Variants in AKAP9 observed in about 807,000 individuals in gnomAD.
The protein encoded by AKAP9 is A-kinase anchor protein 9.
A neutral mutation model predicts 488.5 loss-of-function variants in AKAP9; 311 were observed. The observed-to-expected ratio is 0.64, with a 90% CI of 0.58 to 0.70. AKAP9 has a LOEUF of 0.70. Ranked by LOEUF, AKAP9 falls within the 30% of genes least tolerant of loss-of-function variation. The pLI, the probability that AKAP9 is intolerant of heterozygous loss-of-function variation, is 0.00. For synonymous variants in AKAP9, 1,462 were observed against 1,483.5 expected, an observed-to-expected ratio of 0.99 and a Z score of 0.33; for missense variants, 4,215 against 4,374.5, an observed-to-expected ratio of 0.96 and a Z score of 1.03.
Position 92,001,758 on chromosome 7 carries a change from T to C in AKAP9, c.1841T>C (p.Met614Thr), listed in dbSNP as rs762780139. 1.4e-4 allele frequency: 223 copies of C among 1,613,284 alleles called. No individual in the cohort carries two copies. Among genetic ancestry groups the C allele is most frequent in the Non-Finnish European group, 1.8e-4 (218 of 1,179,798 alleles). ...GAAAAGAATGCTGTGTTAGACAGAA[T>C]GGCTGAATCACAAGAAGCTGAATTA... is the stretch of plus-strand genomic sequence containing the variant. ...EKEKNAVLDR[M>T]AESQEAELER... is the part of the protein sequence containing the mutation. The change falls in exon 8 of 50, where the codon ATG becomes ACG. Residue 614 changes from methionine (M) to threonine (T), a missense_variant. Around this residue, in one of 5 missense-constraint regions of AKAP9, gnomAD observed 2,361 missense variants for 2,430.0 expected, o/e 0.97. Transcript: ENST00000356239.
intron 22 of AKAP9, chr7:92,058,026 A>G (rs763899384): frequency 1.7e-4 from 55 of 315,172 alleles, no homozygotes; most frequent in Non-Finnish European, 3.2e-4. Context: ...TGTATGAATT[A>G]ATTTTATAAC....
In AKAP9 at chr7:92,022,351, T is replaced by C. The variant is rs1190193255; in HGVS notation, c.3951T>C (p.Ile1317=). The C allele has an allele frequency of 1.3e-6, 2 of 1,589,252 alleles. No homozygotes were observed. Among genetic ancestry groups the C allele is most frequent in the Non-Finnish European group, 1.7e-6 (2 of 1,157,728 alleles). ...IHSQMTNLED[I]DVNHKSKLSS... is the part of the protein sequence containing the mutation. The stretch of plus-strand genomic sequence containing the variant: ...CTCAGATGACCAATTTGGAAGACAT[T>C]GGTAAATTTTGATCATATACCACAA... The change falls in exon 13 of 50, where the codon ATT becomes ATC. Residue 1317 remains isoleucine (I), a splice_region_variant and synonymous_variant. Transcript: ENST00000356239.
chr7:92,064,936 ATT>A (rs767985157), intron 24 of AKAP9, among the ~76,000 whole-genome samples: 1 of 144,612 alleles, frequency 6.9e-6, no homozygotes. Flanking sequence ...GTAAAAATAG[ATT>A]TTTTTTTTTT....
At chr7:92,070,276 T>C (rs1811479338) in intron 27 of AKAP9, 70 bp downstream of exon 27, 2 of 1,468,692 alleles carry the variant, frequency 1.4e-6, no homozygotes, top group African/African-American at 2.8e-5. Context: ...GTCAACTTCT[T>C]GTAGGTATTA....
chr7:92,079,853 A>G lies in AKAP9; in HGVS notation c.7720A>G (p.Asn2574Asp). 6.2e-7 allele frequency: 1 copy of G among 1,614,142 alleles called. No homozygotes were observed. The highest frequency in any genetic ancestry group is 1.1e-5 in the South Asian group (1 of 91,078). ...GGAATATGCAAAATTCTGTCAAGAT[A>G]ATCAAACAATTTCATCAGAACCTGA... Reference protein sequence around the residue: ...VQEYAKFCQDNQTISSEPERT... With the variant: ...VQEYAKFCQDDQTISSEPERT... The change falls in exon 31 of 50, where the codon AAT (asparagine) becomes GAT (aspartate). Residue 2574 changes from asparagine to aspartate, a missense_variant. Around this residue, in one of 5 missense-constraint regions of AKAP9, gnomAD observed 1,476 missense variants for 1,477.4 expected, o/e 1.00. Coordinates refer to ENST00000356239, the MANE Select transcript of AKAP9 (RefSeq NM_005751.5).
chr7:92,070,240 G>A (rs760492653), intron 27 of AKAP9, 34 bp downstream of exon 27: 2 of 1,605,500 alleles, frequency 1.2e-6, no homozygotes, highest in South Asian at 1.1e-5. Context: ...CTTAATAAGT[G>A]TTTTAATGAA....
At chr7:92,059,401 AT>A (rs992817757) in intron 22 of AKAP9, among the ~76,000 whole-genome samples, 142 of 149,310 alleles carry the variant, frequency 9.5e-4, no homozygotes, top group African/African-American at 3.0e-3. Flanking sequence ...AATAAATGAC[AT>A]TTTTTTTTGC....
chr7:92,031,679 A>G (rs995075103), intron 16 of AKAP9, 75 bp downstream of exon 16: 1 of 1,123,862 alleles, frequency 8.9e-7, no homozygotes, highest in Non-Finnish European at 1.4e-6. Flanking sequence ...CATAGATTTT[A>G]TCGATGGTAT....
At position 92,083,663 on chromosome 7, in the gene AKAP9, G is replaced by A. The variant is rs878854811; in HGVS notation, c.8646+8G>A. On this transcript the variant is annotated splice_region_variant and intron_variant, in intron 33 of 49. Coordinates refer to ENST00000356239, the MANE Select transcript of AKAP9 (RefSeq NM_005751.5). The stretch of plus-strand genomic sequence containing the variant: ...TGTCTGAGAAGTAAAGAGGTATTTG[G>A]TTTTTATAATATGTGTTTTTCAACA... 6.2e-7 allele frequency: 1 copy of A among 1,609,362 alleles called. No individual in the cohort carries two copies. Among genetic ancestry groups the A allele is most frequent in the Non-Finnish European group, 8.5e-7 (1 of 1,178,982 alleles).
At position 91,992,893 on chromosome 7, in the gene AKAP9, A is replaced by G. The variant is rs766721210; in HGVS notation, c.414A>G (p.Glu138=). 5.6e-6 allele frequency: 9 copies of G among 1,613,702 alleles called. No homozygotes were observed. Among genetic ancestry groups the G allele is most frequent in the South Asian group, 5.5e-5 (5 of 91,084 alleles). Residue 138 remains glutamate, a synonymous_variant, in exon 5 of 50, where the codon GAA becomes GAG. Transcript: ENST00000356239. ...GKPTNLLREE[E]FGVDDSYSEQ... is the part of the protein sequence containing the mutation. Reference sequence around the variant, plus strand: ...ATCTTGGATTGATTTAGGAAGAAGAATTTGGTGTTGATGATTCTTATTCTG... The same window carrying G: ...ATCTTGGATTGATTTAGGAAGAAGAGTTTGGTGTTGATGATTCTTATTCTG...
At chr7:92,051,888 G>T (rs756875663) in intron 21 of AKAP9, among the ~76,000 whole-genome samples, 2 of 152,178 alleles carry the variant, frequency 1.3e-5, no homozygotes, top group Non-Finnish European at 2.9e-5. Context: ...TGCCACAAAG[G>T]AGTATTTAAT....
chr7:92,102,724 T>TG lies in AKAP9; in HGVS notation c.11235dup (p.Gln3746AlafsTer52), dbSNP rs747796926. On this transcript the variant is annotated frameshift_variant, in exon 46 of 50. Coordinates refer to ENST00000356239, the MANE Select transcript of AKAP9 (RefSeq NM_005751.5). LOFTEE classifies it high-confidence loss of function. ...GCCACCTTGGCCCTGCTTGCCCGGA[T>TG]GGGGGGGCAGCCAGCTTTCACGGAT... The TG allele has an allele frequency of 3.1e-6, 5 of 1,613,746 alleles. No homozygotes were observed. The highest frequency in any genetic ancestry group is 2.5e-6 in the Non-Finnish European group (3 of 1,179,978).
At position 92,029,351 on chromosome 7, in the gene AKAP9, C is replaced by T. The variant is rs191258166; in HGVS notation, c.4149-544C>T. ...CACTAGAGGTAAACATTGTTACTTT[C>T]GATGTGTATACATAGGAAGATAATC... On this transcript the variant is annotated intron_variant, in intron 14 of 49. Transcript: ENST00000356239. 3.8e-3 allele frequency among the ~76,000 whole-genome samples: 579 copies of T among 152,138 alleles called. 2 individuals carry two copies. Among genetic ancestry groups the T allele is most frequent in the South Asian group, 0.02 (94 of 4,814 alleles).
chr7:92,012,521 T>C lies in AKAP9; in HGVS notation c.3411T>C (p.Asn1137=), dbSNP rs750345591. The C allele has an allele frequency of 1.2e-5, 20 of 1,614,030 alleles. No homozygotes were observed. The highest frequency in any genetic ancestry group is 1.7e-5 in the Non-Finnish European group (20 of 1,179,948). ...ATCAGGTTCGTGAATATATGGAAAA[T>C]GAAAAAGATAAAGCTCTTTGCAGTC... The part of the protein sequence containing the change: ...HVDQVREYME[N]EKDKALCSLK... The change falls in exon 9 of 50, where the codon AAT becomes AAC. Residue 1137 remains asparagine (N), a synonymous_variant. Coordinates refer to ENST00000356239, the MANE Select transcript of AKAP9 (RefSeq NM_005751.5).
chr7:91,981,591 T>C (rs941660375), intron 3 of AKAP9, among the ~76,000 whole-genome samples: 7 of 149,686 alleles, frequency 4.7e-5, no homozygotes, highest in Admixed American at 6.8e-5. Context: ...CTAATTTTTA[T>C]ATCTTGTATT....
At chr7:91,984,999 T>C (rs1796883691) in intron 3 of AKAP9, among the ~76,000 whole-genome samples, 1 of 152,182 alleles carries the variant, frequency 6.6e-6, no homozygotes, top group Admixed American at 6.5e-5. Flanking sequence ...GAGACTTTGC[T>C]TAAGGAGATT....
At position 92,086,297 on chromosome 7, in the gene AKAP9, C is replaced by G. The variant is rs779260877; in HGVS notation, c.9094C>G (p.Gln3032Glu). The G allele has an allele frequency of 9.0e-5, 146 of 1,613,986 alleles. No individual in the cohort carries two copies. Among genetic ancestry groups the G allele is most frequent in the Non-Finnish European group, 1.2e-4 (141 of 1,179,990 alleles). Reference sequence around the variant, plus strand: ...AGGTGAACTACTGCTTGCCCTTCAACAAGTTTTCTTAGAAGAGCGTAGTGT... The same window carrying G: ...AGGTGAACTACTGCTTGCCCTTCAAGAAGTTTTCTTAGAAGAGCGTAGTGT... Reference protein sequence around the residue: ...WRGELLLALQQVFLEERSVLL... With the variant: ...WRGELLLALQEVFLEERSVLL... Residue 3032 changes from glutamine (Q) to glutamate (E), a missense_variant, in exon 37 of 50, where the codon CAA (glutamine) becomes GAA (glutamate). Gln to Glu is a conservative substitution (Grantham distance 29). Coordinates refer to ENST00000356239, the MANE Select transcript of AKAP9 (RefSeq NM_005751.5).
intron 47 of AKAP9, among the ~76,000 whole-genome samples, chr7:92,107,077 A>C (rs1366364916): frequency 2.6e-5 from 4 of 152,256 alleles, no homozygotes; most frequent in Non-Finnish European, 4.4e-5. Context: ...CAGATATCAG[A>C]AATACTCATA....
At position 92,001,350 on chromosome 7, in the gene AKAP9, A is replaced by G. The variant is rs779494022; in HGVS notation, c.1433A>G (p.Tyr478Cys). ...KGEMENALRS[Y>C]SNITVNEDQI... ...GAAATGGAGAATGCTTTAAGGTCATATTCAAATATTACAGTTAATGAAGAT... is the reference window on the plus strand; with the variant it reads ...GAAATGGAGAATGCTTTAAGGTCATGTTCAAATATTACAGTTAATGAAGAT... The change falls in exon 8 of 50, where the codon TAT (tyrosine) becomes TGT (cysteine). Residue 478 changes from tyrosine (Y) to cysteine (C), a missense_variant. This residue lies in a region of AKAP9 where 2,361 missense variants were observed against 2,430.0 expected (regional missense o/e 0.97). Coordinates refer to ENST00000356239, the MANE Select transcript of AKAP9 (RefSeq NM_005751.5). 1 of 1,613,760 alleles carries G rather than the reference A, an allele frequency of 6.2e-7. No homozygotes were observed. The highest frequency in any genetic ancestry group is 1.7e-5 in the Admixed American group (1 of 60,000).
Sources: gnomAD v4.1 joint callset for allele counts (sites outside exome capture counted in the v4.1 genomes callset) on GRCh38, gnomAD v4.1.1 for gene constraint, gnomAD v4.1.1 regional missense constraint, MANE v1.5 for transcripts, NCBI Gene and HGNC (gene_info 2026-07-23, HGNC 2026-07-21) for gene names.